EPM2A: variants seen among roughly 807,000 people sequenced by gnomAD.
EPM2A encodes EPM2A glucan phosphatase, laforin.
Under a neutral mutation model 26.5 loss-of-function variants are expected in EPM2A, and 21 were observed. The observed-to-expected ratio is 0.79, with a 90% CI of 0.56 to 1.14. The LOEUF is 1.14. Ranked by LOEUF, EPM2A falls within the 50% of genes most tolerant of loss-of-function variation. The probability of loss-of-function intolerance (pLI) is 0.00; values close to 1 mark genes in which losing one functional copy is unlikely to be tolerated. For synonymous variants in EPM2A, 217 were observed against 177.6 expected (o/e 1.22, Z -1.76); for missense variants, 458 against 440.8 (o/e 1.04, Z -0.35).
At chr6:145,720,691 A>G (rs1775906842) in intron 1 of EPM2A, among the ~76,000 whole-genome samples, 1 of 152,210 alleles carries the variant, frequency 6.6e-6, no homozygotes. Context: ...TTGGTATTTT[A>G]TGGCAAAAGG....
At chr6:145,593,505 TCAC>T (rs1781301973) in intron 2 of EPM2A, among the ~76,000 whole-genome samples, 1 of 152,150 alleles carries the variant, frequency 6.6e-6, no homozygotes, top group South Asian at 2.1e-4. Context: ...CATAAAACAT[TCAC>T]CATGACAGAT....
intron 2 of EPM2A, among the ~76,000 whole-genome samples, chr6:145,613,799 C>T (rs1775448236): frequency 6.6e-6 from 1 of 152,042 alleles, no homozygotes; most frequent in African/African-American, 2.4e-5. Flanking sequence ...GTACTGTCCT[C>T]CAAGATTTGT....
chr6:145,489,700 T>C (rs1330359446), intron 4 of EPM2A: 14 of 1,415,466 alleles, frequency 9.9e-6, no homozygotes, highest in Non-Finnish European at 1.4e-5. Context: ...CACTGTTGGC[T>C]TGCTCTCTAA....
At position 145,646,704 on chromosome 6, in the gene EPM2A, T is replaced by C. The variant is rs557465499; in HGVS notation, c.477-11218A>G. ...ATATCTCACTGACATACATCGCTTT[T>C]ACTGTCATCTATATGCTGGTAAACT... On this transcript the variant is annotated intron_variant, in intron 2 of 3. Transcript: ENST00000367519. 1.1e-4 allele frequency among the ~76,000 whole-genome samples: 17 copies of C among 152,304 alleles called. No individual in the cohort carries two copies. The South Asian group carries it at 3.5e-3, about 32-fold the overall frequency.
chr6:145,554,239 G>T (rs1027405775), intron 2 of EPM2A, among the ~76,000 whole-genome samples: 1 of 151,852 alleles, frequency 6.6e-6, no homozygotes, highest in Admixed American at 6.6e-5. Context: ...ATACTAAGGG[G>T]GGTAGTATGA....
intron 4 of EPM2A, among the ~76,000 whole-genome samples, chr6:145,453,191 C>A (rs1001871504): frequency 6.6e-6 from 1 of 152,076 alleles, no homozygotes; most frequent in Non-Finnish European, 1.5e-5. Context: ...ACACATTATG[C>A]CCAGAACAGC....
At chr6:145,657,873 G>A (rs150122620) in intron 2 of EPM2A, among the ~76,000 whole-genome samples, 279 of 152,236 alleles carry the variant, frequency 1.8e-3, no homozygotes, top group African/African-American at 6.1e-3. Context: ...TCAGACTTAT[G>A]GGCACTCAGG....
intron 4 of EPM2A, among the ~76,000 whole-genome samples, chr6:145,483,788 T>A (rs939851488): frequency 1.6e-4 from 24 of 152,184 alleles, no homozygotes; most frequent in Admixed American, 6.5e-5. Context: ...TCTGTCATGC[T>A]GTTTCAGCTA....
At chr6:145,695,225 T>A (rs73782056) in intron 1 of EPM2A, among the ~76,000 whole-genome samples, 119 of 152,082 alleles carry the variant, frequency 7.8e-4, no homozygotes, top group Middle Eastern at 3.4e-3. Context: ...TGGTAACAGC[T>A]TAGAATAGCC....
chr6:145,631,571 T>A (rs772184190), intron 3 of EPM2A: 2 of 152,078 alleles, frequency 1.3e-5, no homozygotes, highest in Non-Finnish European at 2.9e-5. Flanking sequence ...AAAACAGCAA[T>A]AAAAGCCTAT....
intron 4 of EPM2A, among the ~76,000 whole-genome samples, chr6:145,419,538 A>G (rs963069837): frequency 6.6e-6 from 1 of 152,178 alleles, no homozygotes; most frequent in Non-Finnish European, 1.5e-5. Context: ...TAGCAAATGT[A>G]TTGGTTAGAA....
intron 1 of EPM2A, among the ~76,000 whole-genome samples, chr6:145,695,094 G>A (rs1358541385): frequency 1.3e-5 from 2 of 151,930 alleles, no homozygotes; most frequent in Non-Finnish European, 2.9e-5. Context: ...AAACAACTGT[G>A]GCTTTGATAA....
At chr6:145,517,506 G>A (rs999573749) in intron 2 of EPM2A, among the ~76,000 whole-genome samples, 1 of 152,098 alleles carries the variant, frequency 6.6e-6, no homozygotes, top group African/African-American at 2.4e-5. Context: ...GCTCAGATGT[G>A]ACTTTTCCCA....
chr6:145,442,201 G>T (rs1779072881), intron 4 of EPM2A, among the ~76,000 whole-genome samples: 1 of 152,142 alleles, frequency 6.6e-6, no homozygotes, highest in African/African-American at 2.4e-5. Flanking sequence ...ACATGTTCCT[G>T]TCTTCTTCTG....
At chr6:145,593,831 C>G (rs79476226) in intron 2 of EPM2A, among the ~76,000 whole-genome samples, 1 of 151,618 alleles carries the variant, frequency 6.6e-6, no homozygotes, top group Admixed American at 6.6e-5. Flanking sequence ...ACCTAAAATA[C>G]GTAATCTAAA....
At chr6:145,395,804 G>T (rs147285187) in intron 4 of EPM2A, among the ~76,000 whole-genome samples, 117 of 152,194 alleles carry the variant, frequency 7.7e-4, no homozygotes, top group African/African-American at 2.6e-3. Context: ...ATTTTATCTG[G>T]TACGCTGATG....
intron 2 of EPM2A, among the ~76,000 whole-genome samples, chr6:145,642,848 C>A (rs1777188805): frequency 6.6e-6 from 1 of 152,046 alleles, no homozygotes; most frequent in South Asian, 2.1e-4. Flanking sequence ...CCAGGCAATG[C>A]CTTATTGATA....
chr6:145,554,465 T>TAGAC (rs1393930130), intron 2 of EPM2A, among the ~76,000 whole-genome samples: 1 of 150,986 alleles, frequency 6.6e-6, no homozygotes, highest in Non-Finnish European at 1.5e-5. Context: ...GATAGATAGA[T>TAGAC]AGATACATAG....
At chr6:145,708,892 C>A (rs1782379794) in intron 1 of EPM2A, among the ~76,000 whole-genome samples, 1 of 152,168 alleles carries the variant, frequency 6.6e-6, no homozygotes, top group Non-Finnish European at 1.5e-5. Flanking sequence ...AGGAGTGGGG[C>A]TGGACACTGC....
Sources: allele counts gnomAD v4.1 joint callset (sites outside exome capture counted in the v4.1 genomes callset), GRCh38; gene constraint gnomAD v4.1.1; transcripts MANE v1.5; gene names NCBI Gene and HGNC (gene_info 2026-07-23, HGNC 2026-07-21).